ACER3: variants seen among roughly 807,000 people sequenced by gnomAD.
The protein encoded by ACER3 is alkCDase 3.
A neutral mutation model predicts 48.9 loss-of-function variants in ACER3; 16 were observed. The observed-to-expected ratio is 0.33, with a 90% CI of 0.22 to 0.50. The LOEUF (loss-of-function observed/expected upper bound fraction) is 0.50. Ranked by LOEUF, ACER3 falls within the 20% of genes least tolerant of loss-of-function variation. ACER3 has a pLI of 0.98. For missense variants in ACER3, 227 were observed against 326.0 expected (o/e 0.70, Z 2.34); for synonymous variants, 109 against 107.8 (o/e 1.01, Z -0.07).
chr11:76,943,913 CTTT>C (rs56017014), intron 2 of ACER3, among the ~76,000 whole-genome samples: 25,166 of 147,224 alleles, frequency 0.17, 2,243 homozygotes, highest in East Asian at 0.36. Context: ...GACCTTTGTC[CTTT>C]TTTTTTTTTT....
chr11:76,913,431 C>T (rs1225764544), intron 1 of ACER3, among the ~76,000 whole-genome samples: 2 of 152,206 alleles, frequency 1.3e-5, no homozygotes, highest in Non-Finnish European at 2.9e-5. Context: ...TGAGAGAGGA[C>T]ATCCTTGTCT....
intron 7 of ACER3, among the ~76,000 whole-genome samples, chr11:77,002,388 TTAA>T (rs1413272373): frequency 2.6e-5 from 4 of 152,222 alleles, no homozygotes; most frequent in Non-Finnish European, 5.9e-5. Context: ...CTGTAGTCTG[TTAA>T]TAAGGTGGAT....
intron 1 of ACER3, among the ~76,000 whole-genome samples, chr11:76,924,132 A>G (rs1207200821): frequency 6.6e-6 from 1 of 151,830 alleles, no homozygotes; most frequent in African/African-American, 2.4e-5. Context: ...CCAGGCAGTA[A>G]GGTAGGGGCA....
chr11:76,930,037 A>G (rs1946951205), intron 2 of ACER3, among the ~76,000 whole-genome samples: 1 of 151,492 alleles, frequency 6.6e-6, no homozygotes, highest in African/African-American at 2.4e-5. Context: ...TAGTTTCAGA[A>G]GGAATGGTAC....
intron 7 of ACER3, among the ~76,000 whole-genome samples, chr11:77,007,286 C>G (rs1275194149): frequency 6.6e-6 from 1 of 151,964 alleles, no homozygotes; most frequent in Non-Finnish European, 1.5e-5. Flanking sequence ...CTTTTCAGCC[C>G]TGCTCTCTTC....
chr11:76,993,471 A>G (rs1565217978), intron 6 of ACER3, among the ~76,000 whole-genome samples: 2 of 152,240 alleles, frequency 1.3e-5, no homozygotes, highest in African/African-American at 4.8e-5. Flanking sequence ...AATTAATTGC[A>G]GTATATAAGT....
intron 4 of ACER3, among the ~76,000 whole-genome samples, chr11:76,984,606 C>T (rs1948649304): frequency 6.6e-6 from 1 of 152,132 alleles, no homozygotes; most frequent in Non-Finnish European, 1.5e-5. Flanking sequence ...TGCTTATTTA[C>T]CGGATACCTC....
At chr11:76,959,753 C>T (rs1947939567) in intron 3 of ACER3, among the ~76,000 whole-genome samples, 1 of 151,868 alleles carries the variant, frequency 6.6e-6, no homozygotes, top group East Asian at 1.9e-4. Context: ...GGGGTTTCAA[C>T]ATGTTGGCCA....
At chr11:76,871,569 A>G (rs527450778) in intron 1 of ACER3, among the ~76,000 whole-genome samples, 10 of 152,344 alleles carry the variant, frequency 6.6e-5, no homozygotes, top group African/African-American at 2.4e-4. Context: ...AATCAATAGC[A>G]ATCAGTATCT....
chr11:76,949,620 C>T (rs796301240), intron 2 of ACER3, among the ~76,000 whole-genome samples: 51 of 152,224 alleles, frequency 3.4e-4, no homozygotes, highest in African/African-American at 7.9e-4. Context: ...TTTGTTTTCA[C>T]GTTTGACATT....
intron 3 of ACER3, among the ~76,000 whole-genome samples, chr11:76,967,560 G>T (rs565474682): frequency 6.6e-6 from 1 of 152,128 alleles, no homozygotes; most frequent in Admixed American, 6.6e-5. Context: ...CTGGCAAACC[G>T]AATCCAGCAG....
At chr11:76,936,768 A>G (rs369244082) in intron 2 of ACER3, among the ~76,000 whole-genome samples, 1 of 150,056 alleles carries the variant, frequency 6.7e-6, no homozygotes. Flanking sequence ...CCCAGGCTAC[A>G]GTGCAGTGGT....
chr11:76,905,641 G>A (rs1029873064), intron 1 of ACER3, among the ~76,000 whole-genome samples: 1 of 152,126 alleles, frequency 6.6e-6, no homozygotes, highest in African/African-American at 2.4e-5. Flanking sequence ...GCTCACTGCA[G>A]TATTGTTTAA....
chr11:76,920,415 T>C (rs989657321), intron 1 of ACER3, among the ~76,000 whole-genome samples: 1 of 152,164 alleles, frequency 6.6e-6, no homozygotes, highest in Admixed American at 6.5e-5. Context: ...TGAACCATGG[T>C]CATGCCTTCT....
At chr11:76,915,439 C>T (rs980408921) in intron 1 of ACER3, among the ~76,000 whole-genome samples, 1 of 151,602 alleles carries the variant, frequency 6.6e-6, no homozygotes, top group East Asian at 1.9e-4. Flanking sequence ...AGCGTACCCA[C>T]CCCCCCGAGA....
chr11:77,015,255 A>G (rs368409192), intron 8 of ACER3, 138 bp downstream of exon 8: 1 of 573,010 alleles, frequency 1.7e-6, no homozygotes, highest in East Asian at 3.1e-5. Flanking sequence ...TATACAGTAT[A>G]ATAAAGTTAG....
chr11:76,958,525 A>G (rs976545069), intron 2 of ACER3, among the ~76,000 whole-genome samples: 1 of 152,156 alleles, frequency 6.6e-6, no homozygotes. Context: ...AAGCATTTTA[A>G]ATAGTTCTTG....
At chr11:76,905,247 C>T (rs115536389) in intron 1 of ACER3, among the ~76,000 whole-genome samples, 1 of 152,132 alleles carries the variant, frequency 6.6e-6, no homozygotes, top group African/African-American at 2.4e-5. Context: ...TTTTATGTTA[C>T]AAGCTTACCT....
intron 1 of ACER3, among the ~76,000 whole-genome samples, chr11:76,921,874 C>T (rs981834606): frequency 3.9e-5 from 6 of 152,118 alleles, no homozygotes; most frequent in African/African-American, 1.4e-4. Context: ...TTGAAGATAG[C>T]AGTCATTCCA....
Sources: gnomAD v4.1 joint callset for allele counts (sites outside exome capture counted in the v4.1 genomes callset) on GRCh38, gnomAD v4.1.1 for gene constraint, MANE v1.5 for transcripts, NCBI Gene and HGNC (gene_info 2026-07-23, HGNC 2026-07-21) for gene names.